Variants in HEMGN observed in about 807,000 individuals in gnomAD.
HEMGN encodes the protein hemogen.
In HEMGN, 32 loss-of-function variants were observed where a neutral mutation model predicts 45.7. The ratio of observed to expected loss-of-function variants is 0.70; its 90% CI spans 0.53 to 0.94. The LOEUF is 0.94. Among genes scored for constraint, HEMGN ranks in the 40% least tolerant of loss-of-function variants. The pLI is 0.00. For synonymous variants in HEMGN, 183 were observed against 178.6 expected, an observed-to-expected ratio of 1.02 and a Z score of -0.20; for missense variants, 530 against 564.2, an observed-to-expected ratio of 0.94 and a Z score of 0.61.
intron 1 of HEMGN, among the ~76,000 whole-genome samples, chr9:97,943,269 A>G (rs1016932882): frequency 2.0e-5 from 3 of 152,144 alleles, no homozygotes; most frequent in Non-Finnish European, 4.4e-5. Flanking sequence ...CCTAAAATAC[A>G]TTTGGGTGGA....
intron 1 of HEMGN, 129 bp from the exon 2 acceptor site, chr9:97,936,393 C>A: frequency 1.5e-6 from 1 of 655,768 alleles, no homozygotes; most frequent in South Asian, 1.8e-5. Flanking sequence ...AGGACTGCAT[C>A]TCATTTATCC....
chr9:97,931,167 T>C lies in HEMGN; in HGVS notation c.228A>G (p.Arg76=), dbSNP rs2131553018. 6.2e-7 allele frequency: 1 copy of C among 1,612,380 alleles called. No individual in the cohort carries two copies. Among genetic ancestry groups the C allele is most frequent in the Non-Finnish European group, 8.5e-7 (1 of 1,179,696 alleles). The part of the protein sequence containing the change: ...QRTGKGNRRG[R]KRQQNTELKV... The stretch of plus-strand genomic sequence containing the variant: ...TCAATTCTGTGTTTTGTTGTCTCTT[T>C]CTGCCTCTTCGATTTCCTTTTCCTG... Residue 76 remains arginine (R), a synonymous_variant, in exon 3 of 4, where the codon AGA becomes AGG. Coordinates refer to ENST00000616898, the MANE Select transcript of HEMGN (RefSeq NM_197978.3).
chr9:97,937,022 A>T (rs758132203), intron 1 of HEMGN, among the ~76,000 whole-genome samples: 35 of 152,148 alleles, frequency 2.3e-4, no homozygotes, highest in Admixed American at 1.4e-3. Context: ...CTGTGAAGTG[A>T]TACAAATCCA....
At chr9:97,934,476 AC>A (rs1342925231) in intron 2 of HEMGN, among the ~76,000 whole-genome samples, 1 of 140,298 alleles carries the variant, frequency 7.1e-6, no homozygotes, top group Non-Finnish European at 1.6e-5. Flanking sequence ...GGAGGAGAAT[AC>A]CTGGGTTCTG....
At chr9:97,931,682 G>A (rs552055512) in intron 2 of HEMGN, among the ~76,000 whole-genome samples, 10 of 152,212 alleles carry the variant, frequency 6.6e-5, no homozygotes, top group East Asian at 3.9e-4. Context: ...ACAGCTCCTC[G>A]TCTGTGCAGC....
chr9:97,940,823 T>C (rs974609061), upstream of HEMGN, among the ~76,000 whole-genome samples: 4 of 152,220 alleles, frequency 2.6e-5, no homozygotes, highest in African/African-American at 9.6e-5. Flanking sequence ...CTCACTGTAG[T>C]CCCCATAATC....
intron 2 of HEMGN, among the ~76,000 whole-genome samples, chr9:97,932,382 C>T (rs1826970761): frequency 6.6e-6 from 1 of 152,004 alleles, no homozygotes; most frequent in African/African-American, 2.4e-5. Flanking sequence ...GATTACCTCA[C>T]CAAACACAGT....
chr9:97,939,338 T>C (rs1258011680), upstream of HEMGN, among the ~76,000 whole-genome samples: 1 of 152,180 alleles, frequency 6.6e-6, no homozygotes, highest in African/African-American at 2.4e-5. Context: ...GGTCAGTAAA[T>C]GTTAGCTACC....
upstream of HEMGN, among the ~76,000 whole-genome samples, chr9:97,942,441 G>A (rs1827167135): frequency 6.6e-6 from 1 of 151,868 alleles, no homozygotes; most frequent in Non-Finnish European, 1.5e-5. Context: ...ACACCACCAT[G>A]CCTGGCTAAT....
intron 3 of HEMGN, among the ~76,000 whole-genome samples, 190 bp downstream of exon 3, chr9:97,929,845 A>C (rs546165208): frequency 4.2e-4 from 64 of 152,224 alleles, no homozygotes; most frequent in Non-Finnish European, 6.8e-4. Context: ...TTGCATTTTC[A>C]ATTTTTTTAA....
At chr9:97,929,892 G>A in intron 3 of HEMGN, 143 bp downstream of exon 3, 1 of 684,410 alleles carries the variant, frequency 1.5e-6, no homozygotes, top group South Asian at 2.0e-5. Flanking sequence ...TTGGTTGCAT[G>A]AAAATATTGT....
Position 97,930,486 on chromosome 9 carries a change from T to C in HEMGN, c.909A>G (p.Glu303=), listed in dbSNP as rs763785625. ...TAGAAAGGTCTTTAGGCTCAGCTAT[T>C]TCTTGTATTTTAGGAAAAAGGCCTT... ...ETEGLFPKIQ[E]IAEPKDLSTK... Residue 303 remains glutamate (E), a synonymous_variant, in exon 3 of 4, where the codon GAA becomes GAG. Coordinates refer to ENST00000616898, the MANE Select transcript of HEMGN (RefSeq NM_197978.3). 1 of 1,614,088 alleles carries C rather than the reference T, an allele frequency of 6.2e-7. No homozygotes were observed. The highest frequency in any genetic ancestry group is 8.5e-7 in the Non-Finnish European group (1 of 1,179,966).
chr9:97,930,339 A>G lies in HEMGN; in HGVS notation c.1056T>C (p.Tyr352=), dbSNP rs1317044739. ...TIQETPHSED[Y]SIEINQETPG... is the part of the protein sequence containing the mutation. ...GAGTTTCTTGGTTTATTTCAATTGA[A>G]TAGTCTTCAGAATGAGGTGTTTCTT... The change falls in exon 3 of 4, where the codon TAT becomes TAC. Residue 352 remains tyrosine (Y), a synonymous_variant. Coordinates refer to ENST00000616898, the MANE Select transcript of HEMGN (RefSeq NM_197978.3). 6.2e-7 allele frequency: 1 copy of G among 1,613,640 alleles called. No individual in the cohort carries two copies. Among genetic ancestry groups the G allele is most frequent in the Non-Finnish European group, 8.5e-7 (1 of 1,179,936 alleles).
chr9:97,936,368 AG>A (rs1448846408), intron 1 of HEMGN, 104 bp from the exon 2 acceptor site: 1 of 756,806 alleles, frequency 1.3e-6, no homozygotes, highest in African/African-American at 1.7e-5. Context: ...TTTTTCTCCT[AG>A]CTTTTTGAGG....
Position 97,938,163 on chromosome 9 carries a change from T to C in HEMGN, c.-27A>G. On this transcript the variant is annotated 5_prime_UTR_variant, in exon 1 of 4. Transcript: ENST00000616898. ...TTGCTGCAATACCTTCCTGCTATTTTGGTCTGACTTCCACAAGCAGCCTAG... is the reference window on the plus strand; with the variant it reads ...TTGCTGCAATACCTTCCTGCTATTTCGGTCTGACTTCCACAAGCAGCCTAG... 1 of 1,524,734 alleles carries C rather than the reference T, an allele frequency of 6.6e-7. No individual in the cohort carries two copies. The highest frequency in any genetic ancestry group is 9.1e-7 in the Non-Finnish European group (1 of 1,102,886). The allele number at this position is 1,524,734 out of a possible 1,614,324, so 94.5% of individuals were successfully genotyped here.
At chr9:97,936,824 T>A (rs1303212278) in intron 1 of HEMGN, among the ~76,000 whole-genome samples, 3 of 152,260 alleles carry the variant, frequency 2.0e-5, no homozygotes, top group Non-Finnish European at 4.4e-5. Flanking sequence ...TTGTTGCTAG[T>A]TATCTTTGCC....
At chr9:97,937,875 T>C (rs4743147) in intron 1 of HEMGN, among the ~76,000 whole-genome samples, 183 bp downstream of exon 1, 46,084 of 151,914 alleles carry the variant, frequency 0.3, 7,745 homozygotes, top group Non-Finnish European at 0.37. Context: ...TGTGCTGCCA[T>C]AGAAATGTAT....
intron 1 of HEMGN, among the ~76,000 whole-genome samples, chr9:97,943,914 C>G (rs1200989472): frequency 6.6e-6 from 1 of 152,064 alleles, no homozygotes; most frequent in African/African-American, 2.4e-5. Context: ...CTGAGTACTC[C>G]TATCCTCCAT....
chr9:97,932,889 A>G (rs1222787264), intron 2 of HEMGN, among the ~76,000 whole-genome samples: 1 of 152,146 alleles, frequency 6.6e-6, no homozygotes, highest in African/African-American at 2.4e-5. Flanking sequence ...CCAAGGTGAC[A>G]AGATAAATCA....
Sources: allele counts gnomAD v4.1 joint callset (sites outside exome capture counted in the v4.1 genomes callset), GRCh38; gene constraint gnomAD v4.1.1; transcripts MANE v1.5; gene names NCBI Gene and HGNC (gene_info 2026-07-23, HGNC 2026-07-21).